The following RALGAPA2 variants were observed in gnomAD, a reference collection of about 807,000 sequenced individuals.
RALGAPA2 encodes the protein Ral GTPase activating protein catalytic subunit alpha 2.
RALGAPA2 carries 139 observed loss-of-function variants against 230.4 expected under a neutral mutation model. That is an observed-to-expected ratio of 0.60 (90% CI 0.53 to 0.69). RALGAPA2 has a LOEUF of 0.69. RALGAPA2 is among the 30% of genes least tolerant of loss of function. The pLI is 0.00. For missense variants in RALGAPA2, 2,163 were observed against 2,276.0 expected (o/e 0.95, Z 1.01); for synonymous variants, 847 against 837.8 (o/e 1.01, Z -0.19).
At chr20:20,506,083 T>C (rs1244986477) in intron 33 of RALGAPA2, among the ~76,000 whole-genome samples, 1 of 152,068 alleles carries the variant, frequency 6.6e-6, no homozygotes, top group African/African-American at 2.4e-5. Context: ...GCGAACACAC[T>C]TAGGTATTTT....
At chr20:20,652,065 C>T (rs2067418891) in intron 4 of RALGAPA2, among the ~76,000 whole-genome samples, 1 of 152,188 alleles carries the variant, frequency 6.6e-6, no homozygotes, top group Non-Finnish European at 1.5e-5. Flanking sequence ...AAGGCACTAT[C>T]TTAAAGTAAT....
intron 35 of RALGAPA2, among the ~76,000 whole-genome samples, chr20:20,499,690 A>G (rs1602555990): frequency 6.6e-6 from 1 of 152,188 alleles, no homozygotes; most frequent in Non-Finnish European, 1.5e-5. Flanking sequence ...CACCCCCAGG[A>G]GGTCATTATA....
At chr20:20,465,149 T>TCTCACACACACACA (rs1556066770) in intron 37 of RALGAPA2, among the ~76,000 whole-genome samples, 20 of 109,236 alleles carry the variant, frequency 1.8e-4, no homozygotes, top group Admixed American at 3.9e-4. Flanking sequence ...CCGCAGGCCT[T>TCTCACACACACACA]CACACACACA....
Position 20,571,866 on chromosome 20 carries a change from A to T in RALGAPA2, c.2982T>A (p.Phe994Leu), listed in dbSNP as rs1326807521. 3.7e-6 allele frequency: 6 copies of T among 1,610,690 alleles called. No individual in the cohort carries two copies. Among genetic ancestry groups the T allele is most frequent in the Non-Finnish European group, 5.1e-6 (6 of 1,177,842 alleles). The change falls in exon 22 of 40, where the codon TTT (phenylalanine) becomes TTA (leucine). Residue 994 changes from phenylalanine (F) to leucine (L), a missense_variant. Coordinates refer to ENST00000202677, the MANE Select transcript of RALGAPA2 (RefSeq NM_020343.4). Reference sequence around the variant, plus strand: ...CACTTGCCTTAAACAGCCATGATGCAAACATTCTGAGTGGTGGGATCAAAA... The same window carrying T: ...CACTTGCCTTAAACAGCCATGATGCTAACATTCTGAGTGGTGGGATCAAAA... ...PPVLIPPLRMFASWLFKAATL... is the reference protein window; with the variant it reads ...PPVLIPPLRMLASWLFKAATL...
chr20:20,611,458 T>C, intron 13 of RALGAPA2, 32 bp from the exon 14 acceptor site: 3 of 1,602,388 alleles, frequency 1.9e-6, no homozygotes, highest in Non-Finnish European at 2.6e-6. Flanking sequence ...CTCATATTAA[T>C]AATCATGTCT....
intron 20 of RALGAPA2, among the ~76,000 whole-genome samples, chr20:20,580,932 A>T (rs540634873): frequency 2.0e-5 from 3 of 152,340 alleles, no homozygotes; most frequent in South Asian, 2.1e-4. Context: ...ATGTCCTAAA[A>T]ATCAGGCTCA....
intron 1 of RALGAPA2, among the ~76,000 whole-genome samples, chr20:20,708,421 A>G (rs1173484516): frequency 1.3e-5 from 2 of 152,176 alleles, no homozygotes; most frequent in African/African-American, 4.8e-5. Context: ...TAATTGAATC[A>G]TGAGGGTGGC....
At chr20:20,469,266 C>A (rs778965780) in intron 37 of RALGAPA2, among the ~76,000 whole-genome samples, 2 of 151,972 alleles carry the variant, frequency 1.3e-5, no homozygotes, top group African/African-American at 2.4e-5. Context: ...AAAGATCTGT[C>A]CAGGAAAAAG....
chr20:20,419,187 G>A (rs1053416256), intron 37 of RALGAPA2, among the ~76,000 whole-genome samples: 1 of 152,166 alleles, frequency 6.6e-6, no homozygotes, highest in African/African-American at 2.4e-5. Flanking sequence ...AAATATATTG[G>A]CTGGTGCAAG....
chr20:20,661,788 G>A (rs2067788225), intron 3 of RALGAPA2, among the ~76,000 whole-genome samples: 1 of 151,974 alleles, frequency 6.6e-6, no homozygotes, highest in Non-Finnish European at 1.5e-5. Context: ...TACAGAAAAG[G>A]AGGCTCACAT....
intron 24 of RALGAPA2, among the ~76,000 whole-genome samples, chr20:20,540,765 A>G (rs2063621303): frequency 6.6e-6 from 1 of 151,992 alleles, no homozygotes; most frequent in Non-Finnish European, 1.5e-5. Context: ...CAGCTTTACT[A>G]AAGTATAATT....
chr20:20,434,302 G>A (rs1320391022), intron 37 of RALGAPA2, among the ~76,000 whole-genome samples: 1 of 152,134 alleles, frequency 6.6e-6, no homozygotes, highest in Non-Finnish European at 1.5e-5. Flanking sequence ...CGGGAAAAGT[G>A]CAGAGCTAAA....
At chr20:20,536,593 T>A in intron 25 of RALGAPA2, 63 bp downstream of exon 25, 1 of 1,543,596 alleles carries the variant, frequency 6.5e-7, no homozygotes, top group Non-Finnish European at 8.8e-7. Context: ...ATGGAAGAGA[T>A]AATCATACAT....
At chr20:20,484,257 C>T (rs1214560328) in intron 36 of RALGAPA2, among the ~76,000 whole-genome samples, 1 of 152,180 alleles carries the variant, frequency 6.6e-6, no homozygotes, top group Non-Finnish European at 1.5e-5. Context: ...ATGCACTGAA[C>T]ATTTTATAAA....
chr20:20,518,756 C>T (rs2062950134), intron 31 of RALGAPA2, among the ~76,000 whole-genome samples: 1 of 152,080 alleles, frequency 6.6e-6, no homozygotes, highest in African/African-American at 2.4e-5. Flanking sequence ...TTTTAAGTGA[C>T]AACTCATAAT....
chr20:20,512,246 C>CACACACACACACACAT (rs2062733638), intron 32 of RALGAPA2, among the ~76,000 whole-genome samples: 1 of 151,382 alleles, frequency 6.6e-6, no homozygotes, highest in African/African-American at 2.4e-5. Context: ...CACATACACA[C>CACACACACACACACAT]ACACACACAC....
intron 23 of RALGAPA2, among the ~76,000 whole-genome samples, chr20:20,567,834 C>G (rs2064486134): frequency 6.9e-6 from 1 of 144,252 alleles, no homozygotes; most frequent in Non-Finnish European, 1.5e-5. Context: ...GGAGCGATAC[C>G]CCATCTCTAA....
At chr20:20,642,103 AGAGGG>A (rs1194114381) in intron 5 of RALGAPA2, among the ~76,000 whole-genome samples, 3 of 66,612 alleles carry the variant, frequency 4.5e-5, no homozygotes, top group Non-Finnish European at 7.9e-5. Context: ...CATCAGACCG[AGAGGG>A]GAGGGGAGGG....
Position 20,573,057 on chromosome 20 carries a change from A to G in RALGAPA2, c.2719T>C (p.Cys907Arg), listed in dbSNP as rs1347964625. ...ATTATACTACAGTCATCTGTGAGGC[A>G]CTCGCTGCTATCTATGCAGAAAAAC... is the stretch of plus-strand genomic sequence containing the variant. ...DASNLTDSSECLTDDCSIIAG... is the reference protein window; with the variant it reads ...DASNLTDSSERLTDDCSIIAG... The change falls in exon 21 of 40, where the codon TGC (cysteine) becomes CGC (arginine). Residue 907 changes from cysteine to arginine, a missense_variant. By Grantham distance (180) the Cys-to-Arg change is radical (BLOSUM62 -3). Transcript: ENST00000202677. 6.2e-6 allele frequency: 10 copies of G among 1,604,184 alleles called. No individual in the cohort carries two copies. In the East Asian group the frequency reaches 2.2e-4, roughly 36 times the overall value.
Sources: gnomAD v4.1 joint callset for allele counts (sites outside exome capture counted in the v4.1 genomes callset) on GRCh38, gnomAD v4.1.1 for gene constraint, MANE v1.5 for transcripts, NCBI Gene and HGNC (gene_info 2026-07-23, HGNC 2026-07-21) for gene names.